NTNG1: variants seen among roughly 807,000 people sequenced by gnomAD.
NTNG1 encodes netrin G1.
A neutral mutation model predicts 54.0 loss-of-function variants in NTNG1; 16 were observed. The observed-to-expected ratio is 0.30, with a 90% CI of 0.20 to 0.45. The LOEUF is 0.45. Ranked by LOEUF, NTNG1 falls within the 20% of genes least tolerant of loss-of-function variation. The probability of loss-of-function intolerance (pLI) is 1.00; values close to 1 mark genes in which losing one functional copy is unlikely to be tolerated. For missense variants in NTNG1, 530 were observed against 678.7 expected (o/e 0.78, Z 2.43); for synonymous variants, 255 against 263.1 (o/e 0.97, Z 0.30).
chr1:107,239,330 C>T (rs936773624), intron 2 of NTNG1, among the ~76,000 whole-genome samples: 2 of 152,060 alleles, frequency 1.3e-5, no homozygotes, highest in African/African-American at 2.4e-5. Flanking sequence ...ATAGCAAGAC[C>T]CAGATCAAAG....
chr1:107,289,841 G>T (rs1195619974), intron 2 of NTNG1, among the ~76,000 whole-genome samples: 2 of 152,022 alleles, frequency 1.3e-5, no homozygotes, highest in African/African-American at 2.4e-5. Flanking sequence ...TTTACCTAAA[G>T]AATTGATTTA....
chr1:107,184,107 T>C (rs1049454465), intron 2 of NTNG1, among the ~76,000 whole-genome samples: 3 of 152,122 alleles, frequency 2.0e-5, no homozygotes, highest in Non-Finnish European at 2.9e-5. Context: ...TCCCCCAACA[T>C]TCCCAAAATC....
At chr1:107,296,571 A>G (rs1364779971) in intron 2 of NTNG1, among the ~76,000 whole-genome samples, 2 of 149,070 alleles carry the variant, frequency 1.3e-5, no homozygotes, top group Non-Finnish European at 3.0e-5. Context: ...AATATATACT[A>G]CACATAATTA....
intron 2 of NTNG1, among the ~76,000 whole-genome samples, chr1:107,290,625 ACTT>A (rs1325814963): frequency 1.3e-5 from 2 of 152,124 alleles, no homozygotes; most frequent in Admixed American, 6.6e-5. Flanking sequence ...AAATATGTTA[ACTT>A]CTTCATATGG....
rs76629938 is a variant in NTNG1, at chr1:107,407,385, G to T, written c.1061-297G>T. On this transcript the variant is annotated intron_variant, in intron 4 of 7. Transcript: ENST00000370068. Reference sequence around the variant, plus strand: ...CCTTATAGGGAAACACAAAATGTTGGATGTCAAAAGCTTACTTGGACCAGA... The same window carrying T: ...CCTTATAGGGAAACACAAAATGTTGTATGTCAAAAGCTTACTTGGACCAGA... Among the ~76,000 whole-genome samples, 1,782 of 152,112 alleles carry T rather than the reference G, an allele frequency of 0.012. 90 individuals are homozygous for T. The East Asian group carries it at 0.17, about 15-fold the overall frequency.
At chr1:107,328,448 A>G (rs565454848) in intron 3 of NTNG1, among the ~76,000 whole-genome samples, 2 of 152,274 alleles carry the variant, frequency 1.3e-5, no homozygotes, top group African/African-American at 4.8e-5. Flanking sequence ...CTGAAGCAAG[A>G]TGGTTCTAAT....
intron 2 of NTNG1, among the ~76,000 whole-genome samples, chr1:107,278,771 C>T (rs1664650042): frequency 6.6e-6 from 1 of 152,072 alleles, no homozygotes; most frequent in African/African-American, 2.4e-5. Context: ...AATTTGTCTT[C>T]TGTTGATTAT....
chr1:107,437,377 G>C (rs1281635812), intron 7 of NTNG1, among the ~76,000 whole-genome samples: 2 of 152,188 alleles, frequency 1.3e-5, no homozygotes, highest in African/African-American at 4.8e-5. Flanking sequence ...AATGCCATTT[G>C]GTTCAGCCTC....
At chr1:107,151,646 A>T (rs1446575328) in intron 2 of NTNG1, among the ~76,000 whole-genome samples, 1 of 152,178 alleles carries the variant, frequency 6.6e-6, no homozygotes, top group African/African-American at 2.4e-5. Context: ...TATAATTCCC[A>T]GGGCCAATTT....
intron 2 of NTNG1, among the ~76,000 whole-genome samples, chr1:107,303,435 G>GT (rs1046400366): frequency 1.8e-4 from 27 of 151,582 alleles, no homozygotes; most frequent in East Asian, 7.8e-4. Context: ...ACAAGTAAGA[G>GT]TTTTTTTTTA....
At chr1:107,249,407 G>A (rs1662434058) in intron 2 of NTNG1, among the ~76,000 whole-genome samples, 2 of 150,968 alleles carry the variant, frequency 1.3e-5, no homozygotes, top group South Asian at 4.2e-4. Context: ...GCTTGAACCT[G>A]GGGTGCGGAG....
intron 5 of NTNG1, among the ~76,000 whole-genome samples, chr1:107,429,779 G>T (rs1039581273): frequency 2.6e-5 from 4 of 152,120 alleles, no homozygotes; most frequent in African/African-American, 9.7e-5. Flanking sequence ...TCTACCAACA[G>T]AGACTTTGTC....
At chr1:107,210,916 A>G (rs143867058) in intron 2 of NTNG1, among the ~76,000 whole-genome samples, 2 of 151,868 alleles carry the variant, frequency 1.3e-5, no homozygotes, top group Admixed American at 1.3e-4. Context: ...CCTGTTTTCC[A>G]TTTCTTTCTT....
chr1:107,157,967 C>G (rs115749003), intron 2 of NTNG1, among the ~76,000 whole-genome samples: 3,400 of 152,124 alleles, frequency 0.022, 111 homozygotes, highest in African/African-American at 0.078. Context: ...GATTTCTGCA[C>G]TGGATTTTGG....
At chr1:107,314,721 TA>T (rs1190086340) in intron 2 of NTNG1, among the ~76,000 whole-genome samples, 1 of 152,204 alleles carries the variant, frequency 6.6e-6, no homozygotes, top group African/African-American at 2.4e-5. Flanking sequence ...GATCTCAATG[TA>T]TAGAAAGGTG....
chr1:107,308,726 C>T (rs997592073), intron 2 of NTNG1, among the ~76,000 whole-genome samples: 2 of 152,124 alleles, frequency 1.3e-5, no homozygotes, highest in East Asian at 3.8e-4. Flanking sequence ...AGCACTGCAT[C>T]TGTAAATAGT....
chr1:107,475,790 T>C (rs1678282176), intron 7 of NTNG1, among the ~76,000 whole-genome samples: 1 of 152,186 alleles, frequency 6.6e-6, no homozygotes, highest in South Asian at 2.1e-4. Flanking sequence ...GGTTGTTCTG[T>C]ATACTGCAGG....
chr1:107,195,539 T>G (rs940857004), intron 2 of NTNG1, among the ~76,000 whole-genome samples: 8 of 151,944 alleles, frequency 5.3e-5, no homozygotes, highest in African/African-American at 1.7e-4. Context: ...GTCCTCACTA[T>G]GTCCCACAAG....
chr1:107,285,387 G>A lies in NTNG1; in HGVS notation c.247-38895G>A, dbSNP rs181341687. ...GCCTAATGTACCTTTTTATAAAAGT[G>A]AAAGGAAATTAGGTTCCACTTCTGA... is the stretch of plus-strand genomic sequence containing the variant. On this transcript the variant is annotated intron_variant, in intron 2 of 7. Coordinates refer to ENST00000370068, the MANE Select transcript of NTNG1 (RefSeq NM_001113226.3). Among the ~76,000 whole-genome samples, 287 of 152,208 alleles carry A rather than the reference G, an allele frequency of 1.9e-3. 6 individuals carry two copies. The highest frequency in any genetic ancestry group is 6.2e-4 in the Non-Finnish European group (42 of 67,994).
Sources: allele counts gnomAD v4.1 joint callset (sites outside exome capture counted in the v4.1 genomes callset), GRCh38; gene constraint gnomAD v4.1.1; transcripts MANE v1.5; gene names NCBI Gene and HGNC (gene_info 2026-07-23, HGNC 2026-07-21).